The following MCPH1 variants were observed in gnomAD, a reference collection of about 807,000 sequenced individuals.
The protein encoded by MCPH1 is microcephalin 1.
A neutral mutation model predicts 84.5 loss-of-function variants in MCPH1; 104 were observed. The observed-to-expected ratio is 1.23, with a 90% confidence interval of 1.05 to 1.45. MCPH1 has a LOEUF of 1.45. MCPH1 is among the 40% of genes most tolerant of loss of function. MCPH1 has a pLI of 0.00. For synonymous variants in MCPH1, 514 were observed against 366.8 expected (o/e 1.40, Z -4.58); for missense variants, 1,498 against 1,005.7 (o/e 1.49, Z -6.62).
intron 11 of MCPH1, among the ~76,000 whole-genome samples, chr8:6,491,376 C>A (rs375637904): frequency 7.8e-6 from 1 of 128,154 alleles, no homozygotes. Flanking sequence ...TGGTTTCTTT[C>A]TTTTTTTTTT....
intron 12 of MCPH1, among the ~76,000 whole-genome samples, chr8:6,550,130 C>T (rs551369172): frequency 6.6e-6 from 1 of 152,330 alleles, no homozygotes. Context: ...TACCAACTAT[C>T]GTGCCTCCTC....
intron 12 of MCPH1, among the ~76,000 whole-genome samples, chr8:6,584,528 A>T (rs181986542): frequency 6.6e-6 from 1 of 152,318 alleles, no homozygotes; most frequent in Admixed American, 6.5e-5. Flanking sequence ...CATCTATAAT[A>T]AACTTGGTAC....
At chr8:6,502,211 T>C (rs1428595214) in intron 12 of MCPH1, 2 of 152,120 alleles carry the variant, frequency 1.3e-5, no homozygotes, top group Non-Finnish European at 2.9e-5. Context: ...AAGTAAGAAG[T>C]TTCCTTATCA....
intron 10 of MCPH1, among the ~76,000 whole-genome samples, chr8:6,479,354 C>T (rs1458829306): frequency 2.0e-5 from 3 of 151,934 alleles, no homozygotes; most frequent in African/African-American, 7.3e-5. Flanking sequence ...ATAACCTCTT[C>T]CCCTTTGTAA....
chr8:6,511,999 C>T (rs779340433), intron 12 of MCPH1, among the ~76,000 whole-genome samples: 1 of 150,920 alleles, frequency 6.6e-6, no homozygotes, highest in Non-Finnish European at 1.5e-5. Context: ...CCACTTGTGT[C>T]TCAAAATTCA....
At position 6,499,926 on chromosome 8, in the gene MCPH1, T is replaced by C. The variant is rs779110517; in HGVS notation, c.2211T>C (p.Ala737=). Residue 737 remains alanine (A), a synonymous_variant, in exon 12 of 14, where the codon GCT becomes GCC. Transcript: ENST00000344683. ...PFELSHHFPA[A]PLCRSECHLS... ...AACTGTCTCACCACTTCCCTGCAGC[T>C]CCCGTAAGTCAGATGTTGTTTTACG... 19 of 1,613,150 alleles carry C rather than the reference T, an allele frequency of 1.2e-5. No individual in the cohort carries two copies. Among genetic ancestry groups the C allele is most frequent in the Non-Finnish European group, 8.5e-7 (1 of 1,179,552 alleles).
intron 3 of MCPH1, among the ~76,000 whole-genome samples, chr8:6,430,451 A>G (rs777358853): frequency 2.6e-5 from 4 of 152,228 alleles, no homozygotes; most frequent in Non-Finnish European, 5.9e-5. Flanking sequence ...ACACCCTCAG[A>G]AGGGGGTCAG....
chr8:6,470,437 A>T (rs1232742019), intron 9 of MCPH1, among the ~76,000 whole-genome samples: 1 of 152,020 alleles, frequency 6.6e-6, no homozygotes. Context: ...GTTTCCTGCC[A>T]CCACACCCAG....
At chr8:6,559,297 T>G (rs1207384042) in intron 12 of MCPH1, among the ~76,000 whole-genome samples, 1 of 151,720 alleles carries the variant, frequency 6.6e-6, no homozygotes, top group East Asian at 1.9e-4. Flanking sequence ...GCTAGCGGGC[T>G]GGGTTCCCCT....
intron 12 of MCPH1, chr8:6,532,546 T>A: frequency 1.5e-6 from 2 of 1,290,994 alleles, no homozygotes; most frequent in Non-Finnish European, 2.1e-6. Context: ...ACCTGATTCC[T>A]AAATGTTTGT....
At position 6,625,254 on chromosome 8, in the gene MCPH1, G is replaced by A. The variant is rs945872837; in HGVS notation, c.2452+3563G>A. Reference sequence around the variant, plus strand: ...AGCCTCCACCTTGCTTACCCCACATGCTGGTTAAAGGAGGAAACACAGAGA... The same window carrying A: ...AGCCTCCACCTTGCTTACCCCACATACTGGTTAAAGGAGGAAACACAGAGA... On this transcript the variant is annotated intron_variant, in intron 13 of 13. Transcript: ENST00000344683. The A allele has an allele frequency of 2.1e-5, 21 of 985,330 alleles. No homozygotes were observed. The African/African-American group carries it at 3.3e-4, about 16-fold the overall frequency. The allele number at this position is 985,330 out of a possible 1,614,324, so 61.0% of individuals were successfully genotyped here. A position where few individuals can be genotyped will look rare whatever the true frequency, so the allele number is the denominator to read the frequency against.
chr8:6,565,800 G>A (rs1429977550), intron 12 of MCPH1, among the ~76,000 whole-genome samples: 1 of 152,246 alleles, frequency 6.6e-6, no homozygotes, highest in Non-Finnish European at 1.5e-5. Flanking sequence ...AGCAGTCGGA[G>A]CACAAAGAAA....
intron 12 of MCPH1, chr8:6,527,459 GA>G (rs1818542551): frequency 1.5e-5 from 22 of 1,468,534 alleles, no homozygotes; most frequent in Non-Finnish European, 1.9e-5. Context: ...TAGACATGAA[GA>G]AACTCACCAT....
chr8:6,544,524 T>C (rs562275898), intron 12 of MCPH1, among the ~76,000 whole-genome samples: 1 of 152,306 alleles, frequency 6.6e-6, no homozygotes, highest in South Asian at 2.1e-4. Context: ...TCTAGGGATG[T>C]TTCCAAGTCA....
intron 11 of MCPH1, among the ~76,000 whole-genome samples, chr8:6,485,868 C>A (rs991145960): frequency 6.6e-6 from 1 of 152,048 alleles, no homozygotes; most frequent in Non-Finnish European, 1.5e-5. Flanking sequence ...GCAATGGTAA[C>A]CACGATGACT....
intron 11 of MCPH1, among the ~76,000 whole-genome samples, chr8:6,498,402 A>G (rs545087216): frequency 1.3e-5 from 2 of 152,332 alleles, no homozygotes; most frequent in South Asian, 2.1e-4. Context: ...TTGTTTTAAT[A>G]CAACTGAATT....
At chr8:6,419,410 T>C (rs1799832404) in intron 3 of MCPH1, among the ~76,000 whole-genome samples, 1 of 152,012 alleles carries the variant, frequency 6.6e-6, no homozygotes. Context: ...TTTTTCTTTT[T>C]TCTTTTTGAG....
intron 13 of MCPH1, among the ~76,000 whole-genome samples, chr8:6,633,924 C>T (rs190517869): frequency 5.9e-5 from 9 of 152,268 alleles, no homozygotes; most frequent in African/African-American, 1.7e-4. Context: ...ATAGCACAAA[C>T]AGTCAACTTG....
At chr8:6,516,441 T>A (rs967944243) in intron 12 of MCPH1, among the ~76,000 whole-genome samples, 1 of 152,222 alleles carries the variant, frequency 6.6e-6, no homozygotes, top group Non-Finnish European at 1.5e-5. Flanking sequence ...ATTCCTGTTA[T>A]GTTTTTTTTC....
Sources: gnomAD v4.1 joint callset for allele counts (sites outside exome capture counted in the v4.1 genomes callset) on GRCh38, gnomAD v4.1.1 for gene constraint, MANE v1.5 for transcripts, NCBI Gene and HGNC (gene_info 2026-07-23, HGNC 2026-07-21) for gene names.